ATP6V1D: variants seen among roughly 807,000 people sequenced by gnomAD.
The protein encoded by ATP6V1D is ATPase H+ transporting V1 subunit D.
A neutral mutation model predicts 39.4 loss-of-function variants in ATP6V1D; 20 were observed. The ratio of observed to expected loss-of-function variants is 0.51; its 90% CI spans 0.36 to 0.74. ATP6V1D has a LOEUF of 0.74. ATP6V1D is among the 30% of genes least tolerant of loss of function. ATP6V1D has a pLI of 0.00. For synonymous variants in ATP6V1D, 100 were observed against 100.5 expected, an observed-to-expected ratio of 0.99 and a Z score of 0.03; for missense variants, 228 against 291.6, an observed-to-expected ratio of 0.78 and a Z score of 1.59.
At chr14:67,358,653 T>C (rs955098415) in intron 1 of ATP6V1D, among the ~76,000 whole-genome samples, 14 of 152,138 alleles carry the variant, frequency 9.2e-5, no homozygotes, top group African/African-American at 3.4e-4. Context: ...TGAGCTCTGA[T>C]CATACCACTG....
intron 6 of ATP6V1D, among the ~76,000 whole-genome samples, chr14:67,345,260 TA>T (rs1269371665): frequency 7.0e-6 from 1 of 143,496 alleles, no homozygotes; most frequent in Non-Finnish European, 1.5e-5. Flanking sequence ...AATAAATTTT[TA>T]AATTAAAAGT....
chr14:67,349,143 C>A, intron 3 of ATP6V1D, 39 bp from the exon 4 acceptor site: 1 of 1,588,066 alleles, frequency 6.3e-7, no homozygotes, highest in South Asian at 1.1e-5. Context: ...GCAGACTCTT[C>A]AGAAATAAAC....
chr14:67,354,472 T>G (rs1479375410), intron 1 of ATP6V1D, among the ~76,000 whole-genome samples: 1 of 152,200 alleles, frequency 6.6e-6, no homozygotes, highest in East Asian at 1.9e-4. Context: ...ATCCTACAAA[T>G]TTATTCCCAC....
At chr14:67,341,795 T>C (rs2085586684) in intron 7 of ATP6V1D, among the ~76,000 whole-genome samples, 2 of 152,234 alleles carry the variant, frequency 1.3e-5, no homozygotes, top group South Asian at 4.1e-4. Context: ...TGTGTCTGTG[T>C]AGAAAGAAGT....
intron 1 of ATP6V1D, among the ~76,000 whole-genome samples, chr14:67,358,169 G>C (rs1246316092): frequency 6.6e-6 from 1 of 152,094 alleles, no homozygotes; most frequent in African/African-American, 2.4e-5. Flanking sequence ...AACTAGTGTC[G>C]ATGTCTTTCA....
chr14:67,352,952 A>G lies in ATP6V1D; in HGVS notation c.130T>C (p.Phe44Leu). The G allele has an allele frequency of 6.2e-7, 1 of 1,612,746 alleles. No homozygotes were observed. The highest frequency in any genetic ancestry group is 8.5e-7 in the Non-Finnish European group (1 of 1,178,824). ...ATTATCTTCTTTAGGATCTGTCGAA[A>G]TCGAAGAGTTAAGGCATCAGATTTT... ...KKKSDALTLR[F>L]RQILKKIIET... is the part of the protein sequence containing the mutation. The change falls in exon 2 of 9, where the codon TTT becomes CTT. Residue 44 changes from phenylalanine (F) to leucine (L), a missense_variant. Phe to Leu is a conservative substitution (Grantham distance 22). This residue lies in a region of ATP6V1D where 104 missense variants were observed against 120.2 expected (regional missense o/e 0.87). Transcript: ENST00000216442.
At chr14:67,351,282 T>C (rs1254284042) in intron 2 of ATP6V1D, among the ~76,000 whole-genome samples, 1 of 152,118 alleles carries the variant, frequency 6.6e-6, no homozygotes, top group African/African-American at 2.4e-5. Flanking sequence ...CTACTGTCTA[T>C]ACAGTACAAA....
Position 67,355,449 on chromosome 14 carries a change from CAAAAAAAAAAAAAAAAA to C in ATP6V1D, c.42-2426_42-2410del, listed in dbSNP as rs564931669. 1.8e-3 allele frequency among the ~76,000 whole-genome samples: 34 copies of C among 18,964 alleles called. No individual in the cohort carries two copies. The South Asian group carries it at 0.074, about 41-fold the overall frequency. The allele number at this position is 18,964 out of a possible 152,430, so 12.4% of individuals were successfully genotyped here. ...AGGATGTAGAAGTAAGACCCTGTCT[CAAAAAAAAAAAAAAAAA>C]AAAAAAAAAAAAAAGACTAGAAATA... On this transcript the variant is annotated intron_variant, in intron 1 of 8. Transcript: ENST00000216442.
intron 7 of ATP6V1D, among the ~76,000 whole-genome samples, chr14:67,341,578 G>A (rs1268656071): frequency 1.3e-5 from 2 of 148,614 alleles, no homozygotes; most frequent in East Asian, 2.1e-4. Context: ...GTCAGCCCCC[G>A]CCAGGCCAGC....
At position 67,345,930 on chromosome 14, in the gene ATP6V1D, T is replaced by G. The variant is rs1306960336; in HGVS notation, c.353-59A>C. The G allele has an allele frequency of 7.5e-6, 8 of 1,062,222 alleles. No homozygotes were observed. The East Asian group carries it at 1.9e-4, about 26-fold the overall frequency. The allele number at this position is 1,062,222 out of a possible 1,614,324, so 65.8% of individuals were successfully genotyped here. A position where few individuals can be genotyped will look rare whatever the true frequency, so the allele number is the denominator to read the frequency against. ...GAGTAAAATATCTTCCCTATAAAAT[T>G]CCCCAAAAGGAGATAATTCAGAATA... On this transcript the variant is annotated intron_variant, in intron 5 of 8. Transcript: ENST00000216442.
intron 7 of ATP6V1D, among the ~76,000 whole-genome samples, chr14:67,341,183 AGT>A (rs1370731108): frequency 6.6e-6 from 1 of 150,802 alleles, no homozygotes; most frequent in Non-Finnish European, 1.5e-5. Context: ...CAGTCTGGAA[AGT>A]GAGGAGCGTC....
intron 5 of ATP6V1D, among the ~76,000 whole-genome samples, chr14:67,347,094 C>T (rs545633494): frequency 2.3e-4 from 35 of 152,260 alleles, no homozygotes; most frequent in Admixed American, 7.2e-4. Flanking sequence ...AGCAATCCTC[C>T]CTCCTCAGCC....
chr14:67,355,199 C>G, intron 1 of ATP6V1D, among the ~76,000 whole-genome samples: 1 of 152,112 alleles, frequency 6.6e-6, no homozygotes, highest in African/African-American at 2.4e-5. Flanking sequence ...AAGATCCTAA[C>G]AGCAATCATT....
At position 67,347,425 on chromosome 14, in the gene ATP6V1D, G is replaced by A. The variant is rs2141101269; in HGVS notation, c.336C>T (p.Tyr112=). 6.2e-7 allele frequency: 1 copy of A among 1,607,350 alleles called. No homozygotes were observed. The change falls in exon 5 of 9, where the codon TAC becomes TAT. Residue 112 remains tyrosine (Y), a synonymous_variant. Transcript: ENST00000216442. ...AGVTLPVFEH[Y]HEGTDSYELT... ...CACACTTACTGTCAGTTCCTTCATG[G>A]TAATGTTCAAATACTGGCAAAGTAA... is the stretch of plus-strand genomic sequence containing the variant.
intron 1 of ATP6V1D, 121 bp downstream of exon 1, chr14:67,359,537 C>A (rs2085713284): frequency 4.4e-6 from 5 of 1,146,342 alleles, no homozygotes; most frequent in Non-Finnish European, 6.2e-6. Context: ...AAGAAAAGAA[C>A]CTGGGAAAAG....
At chr14:67,342,648 T>C (rs1437252748) in intron 7 of ATP6V1D, among the ~76,000 whole-genome samples, 1 of 150,952 alleles carries the variant, frequency 6.6e-6, no homozygotes, top group African/African-American at 2.4e-5. Context: ...ATGAGGTAAC[T>C]TTCTCACTAA....
rs983813426 is a variant in ATP6V1D, at chr14:67,342,072, A to G, written c.523+1300T>C. Reference sequence around the variant, plus strand: ...CGGAAGTCTGCAGGGTCCTCTGCCTAGGAAAACCAGAGACCTTTGTTCACT... The same window carrying G: ...CGGAAGTCTGCAGGGTCCTCTGCCTGGGAAAACCAGAGACCTTTGTTCACT... On this transcript the variant is annotated intron_variant, in intron 7 of 8. Coordinates refer to ENST00000216442, the MANE Select transcript of ATP6V1D (RefSeq NM_015994.4). Among the ~76,000 whole-genome samples the G allele has an allele frequency of 3.3e-5, 5 of 152,182 alleles. No homozygotes were observed. In the East Asian group the frequency reaches 9.7e-4, roughly 29 times the overall value.
chr14:67,356,906 T>C (rs187223052), intron 1 of ATP6V1D, among the ~76,000 whole-genome samples: 1 of 152,362 alleles, frequency 6.6e-6, no homozygotes, highest in East Asian at 1.9e-4. Flanking sequence ...AAGAGCTGGA[T>C]CAAATTTAAG....
At chr14:67,348,386 T>C (rs1383592921) in intron 4 of ATP6V1D, among the ~76,000 whole-genome samples, 1 of 152,108 alleles carries the variant, frequency 6.6e-6, no homozygotes, top group Non-Finnish European at 1.5e-5. Flanking sequence ...TTGTATTCTT[T>C]GGTAAAGATG....
Sources: allele counts gnomAD v4.1 joint callset (sites outside exome capture counted in the v4.1 genomes callset), GRCh38; gene constraint gnomAD v4.1.1; regional missense constraint gnomAD v4.1.1; transcripts MANE v1.5; gene names NCBI Gene and HGNC (gene_info 2026-07-23, HGNC 2026-07-21).